BBOX1: variants seen among roughly 807,000 people sequenced by gnomAD.
The protein encoded by BBOX1 is gamma-butyrobetaine hydroxylase 1, also known as gamma-butyrobetaine dioxygenase.
In BBOX1, 35 loss-of-function variants were observed where a neutral mutation model predicts 41.6. That is an observed-to-expected ratio of 0.84 (90% CI 0.64 to 1.11). The LOEUF is 1.11. BBOX1 is among the 50% of genes most tolerant of loss of function. The pLI is 0.00. For missense variants in BBOX1, 458 were observed against 460.6 expected, an observed-to-expected ratio of 0.99 and a Z score of 0.05; for synonymous variants, 163 against 154.7, an observed-to-expected ratio of 1.05 and a Z score of -0.40.
At chr11:27,057,904 T>C (rs1480588888) in intron 4 of BBOX1, among the ~76,000 whole-genome samples, 3 of 152,018 alleles carry the variant, frequency 2.0e-5, no homozygotes, top group African/African-American at 7.2e-5. Context: ...TCAGAAAAAC[T>C]GCAAGGGTGG....
intron 5 of BBOX1, 108 bp downstream of exon 5, chr11:27,093,474 T>C (rs1350208382): frequency 8.7e-7 from 1 of 1,153,466 alleles, no homozygotes; most frequent in African/African-American, 1.6e-5. Context: ...CATAATGTCT[T>C]GAGTAGGAAG....
intron 4 of BBOX1, among the ~76,000 whole-genome samples, chr11:27,083,258 G>C (rs1348718153): frequency 2.6e-5 from 4 of 152,076 alleles, no homozygotes. Context: ...AAAACCTTCA[G>C]TGTTGGGCTA....
At chr11:27,106,567 G>A (rs189033539) in intron 5 of BBOX1, among the ~76,000 whole-genome samples, 1,686 of 152,194 alleles carry the variant, frequency 0.011, 32 homozygotes, top group African/African-American at 0.039. Context: ...CCCAATACAG[G>A]AGCACCCAGA....
At chr11:27,058,505 A>C (rs1022591590) in intron 4 of BBOX1, among the ~76,000 whole-genome samples, 1 of 152,210 alleles carries the variant, frequency 6.6e-6, no homozygotes, top group Non-Finnish European at 1.5e-5. Context: ...GCTCAGAAGA[A>C]GACAGGGTAA....
intron 6 of BBOX1, among the ~76,000 whole-genome samples, chr11:27,119,005 A>T (rs1400197988): frequency 6.6e-6 from 1 of 151,736 alleles, no homozygotes; most frequent in African/African-American, 2.4e-5. Flanking sequence ...TTACTTTCAT[A>T]TTCAAAAGCC....
Position 27,108,806 on chromosome 11 carries a change from G to A in BBOX1, c.534-6646G>A, listed in dbSNP as rs533682897. On this transcript the variant is annotated intron_variant, in intron 5 of 8. Transcript: ENST00000263182. ...TTTTATCCTCAATCCCAGGGAACAGGTGAGAAACTCTTTTTCTCATTAAGA... is the reference window on the plus strand; with the variant it reads ...TTTTATCCTCAATCCCAGGGAACAGATGAGAAACTCTTTTTCTCATTAAGA... Among the ~76,000 whole-genome samples, 4 of 152,106 alleles carry A rather than the reference G, an allele frequency of 2.6e-5. No individual in the cohort carries two copies. In the East Asian group the frequency reaches 7.8e-4, roughly 30 times the overall value.
At chr11:27,067,230 T>A (rs1173914862) in intron 4 of BBOX1, among the ~76,000 whole-genome samples, 4 of 152,346 alleles carry the variant, frequency 2.6e-5, no homozygotes, top group East Asian at 1.9e-4. Context: ...TTTCTTTTTT[T>A]AATTTTATTT....
chr11:27,106,876 A>G (rs1858891896), intron 5 of BBOX1, among the ~76,000 whole-genome samples: 1 of 152,208 alleles, frequency 6.6e-6, no homozygotes, highest in African/African-American at 2.4e-5. Context: ...AACAGAAATT[A>G]TAACAAACTG....
chr11:27,062,581 A>C lies in BBOX1; in HGVS notation c.334+5266A>C, dbSNP rs561788953. Reference sequence around the variant, plus strand: ...GCTTTCTTTTTCTTTTTTTTTTGAGACGGAGTCTTCCTCTGTCACCAGGCT... The same window carrying C: ...GCTTTCTTTTTCTTTTTTTTTTGAGCCGGAGTCTTCCTCTGTCACCAGGCT... On this transcript the variant is annotated intron_variant, in intron 4 of 8. Coordinates refer to ENST00000263182, the MANE Select transcript of BBOX1 (RefSeq NM_003986.3). Among the ~76,000 whole-genome samples, 59 of 150,670 alleles carry C rather than the reference A, an allele frequency of 3.9e-4. No homozygotes were observed. In the South Asian group the frequency reaches 0.01, roughly 26 times the overall value.
chr11:27,114,031 C>T (rs1859173075), intron 5 of BBOX1, among the ~76,000 whole-genome samples: 1 of 151,804 alleles, frequency 6.6e-6, no homozygotes, highest in Non-Finnish European at 1.5e-5. Flanking sequence ...AAAAAAGCTA[C>T]TAAAGCTAAT....
intron 2 of BBOX1, among the ~76,000 whole-genome samples, chr11:27,054,532 A>T (rs1213557978): frequency 3.3e-5 from 5 of 152,194 alleles, no homozygotes; most frequent in Non-Finnish European, 7.3e-5. Flanking sequence ...CCGTTGCTCA[A>T]GCATAATACC....
At chr11:27,106,934 T>G (rs1420388866) in intron 5 of BBOX1, among the ~76,000 whole-genome samples, 3 of 151,958 alleles carry the variant, frequency 2.0e-5, no homozygotes, top group Non-Finnish European at 4.4e-5. Context: ...ATTAAGAAAC[T>G]CACTCAAAAC....
chr11:27,116,596 C>T (rs942708543), intron 6 of BBOX1, among the ~76,000 whole-genome samples: 2 of 151,872 alleles, frequency 1.3e-5, no homozygotes, highest in African/African-American at 4.8e-5. Flanking sequence ...AGTCATATAC[C>T]TGCAATTGGT....
chr11:27,096,615 CA>C (rs1218068265), intron 5 of BBOX1, among the ~76,000 whole-genome samples: 1 of 151,782 alleles, frequency 6.6e-6, no homozygotes, highest in Non-Finnish European at 1.5e-5. Context: ...TTATTAGTTT[CA>C]AAAATGTTAA....
intron 4 of BBOX1, among the ~76,000 whole-genome samples, chr11:27,086,969 T>C (rs948196268): frequency 6.6e-6 from 1 of 152,032 alleles, no homozygotes; most frequent in African/African-American, 2.4e-5. Flanking sequence ...GAATTAGAAG[T>C]AGAGCCTGAA....
At chr11:27,077,974 C>G (rs1224989733) in intron 4 of BBOX1, among the ~76,000 whole-genome samples, 1 of 152,192 alleles carries the variant, frequency 6.6e-6, no homozygotes, top group African/African-American at 2.4e-5. Context: ...TCATGTGTCT[C>G]ATTGCCTACA....
At chr11:27,069,493 G>A (rs1857380919) in intron 4 of BBOX1, among the ~76,000 whole-genome samples, 1 of 151,948 alleles carries the variant, frequency 6.6e-6, no homozygotes, top group Non-Finnish European at 1.5e-5. Context: ...GGGTTTTGTA[G>A]GTATACTATT....
intron 8 of BBOX1, 30 bp downstream of exon 8, chr11:27,125,850 A>T: frequency 6.3e-7 from 1 of 1,591,738 alleles, no homozygotes; most frequent in Non-Finnish European, 8.6e-7. Context: ...CAAATAACCA[A>T]AAGCATGGAT....
rs756186779 is a variant in BBOX1 at position 27,055,663 on chromosome 11, A to T, written c.219+14A>T. The T allele has an allele frequency of 1.8e-5, 28 of 1,592,180 alleles. No homozygotes were observed. Among genetic ancestry groups the T allele is most frequent in the Middle Eastern group, 3.3e-4 (2 of 6,040 alleles). Reference sequence around the variant, plus strand: ...GACAGAAAAAAGGTAATTATCTCTAAATTATGTCTCCCTTCTTTCTCAAGT... The same window carrying T: ...GACAGAAAAAAGGTAATTATCTCTATATTATGTCTCCCTTCTTTCTCAAGT... On this transcript the variant is annotated intron_variant, in intron 3 of 8. Coordinates refer to ENST00000263182, the MANE Select transcript of BBOX1 (RefSeq NM_003986.3).
Sources: gnomAD v4.1 joint callset for allele counts (sites outside exome capture counted in the v4.1 genomes callset) on GRCh38, gnomAD v4.1.1 for gene constraint, MANE v1.5 for transcripts, NCBI Gene and HGNC (gene_info 2026-07-23, HGNC 2026-07-21) for gene names.